Variants in TRPC4AP observed in about 807,000 individuals in gnomAD.
The protein encoded by TRPC4AP is short transient receptor potential channel 4-associated protein.
Under a neutral mutation model 99.0 loss-of-function variants are expected in TRPC4AP, and 45 were observed. The ratio of observed to expected loss-of-function variants is 0.45; its 90% confidence interval spans 0.36 to 0.58. The LOEUF (loss-of-function observed/expected upper bound fraction) is 0.58. TRPC4AP is among the 20% of genes least tolerant of loss of function. TRPC4AP has a pLI of 0.00. For missense variants in TRPC4AP, 879 were observed against 985.3 expected (o/e 0.89, Z 1.44); for synonymous variants, 408 against 385.8 (o/e 1.06, Z -0.67).
At position 35,006,589 on chromosome 20, in the gene TRPC4AP, G is replaced by A. The variant is rs917011827; in HGVS notation, c.1687-14C>T. Reference sequence around the variant, plus strand: ...GTAAAGGATGTGCTGGGTGAGGAGGGACAGGGTGAAGGTGTCAACGTGGCT... The same window carrying A: ...GTAAAGGATGTGCTGGGTGAGGAGGAACAGGGTGAAGGTGTCAACGTGGCT... On this transcript the variant is annotated splice_polypyrimidine_tract_variant and intron_variant, in intron 14 of 18. Coordinates refer to ENST00000252015, the MANE Select transcript of TRPC4AP (RefSeq NM_015638.3). 5.6e-6 allele frequency: 9 copies of A among 1,612,460 alleles called. No homozygotes were observed. Among genetic ancestry groups the A allele is most frequent in the East Asian group, 2.2e-5 (1 of 44,858 alleles).
chr20:35,054,506 T>G (rs1424479074), intron 5 of TRPC4AP, among the ~76,000 whole-genome samples: 1 of 152,190 alleles, frequency 6.6e-6, no homozygotes, highest in Non-Finnish European at 1.5e-5. Context: ...AGTGCCATCC[T>G]CTTTTGTTTC....
At chr20:35,065,897 G>T (rs1049311931) in intron 3 of TRPC4AP, among the ~76,000 whole-genome samples, 9 of 152,116 alleles carry the variant, frequency 5.9e-5, no homozygotes, top group Non-Finnish European at 1.3e-4. Flanking sequence ...CAAAAGTAAA[G>T]GGTCTCTTGA....
At chr20:35,051,103 T>C (rs2083689559) in intron 5 of TRPC4AP, among the ~76,000 whole-genome samples, 1 of 151,652 alleles carries the variant, frequency 6.6e-6, no homozygotes, top group Non-Finnish European at 1.5e-5. Context: ...TTAAGGCAAC[T>C]AGAGCTTAGT....
chr20:35,011,015 C>G (rs575381431), intron 11 of TRPC4AP, among the ~76,000 whole-genome samples: 34 of 152,318 alleles, frequency 2.2e-4, no homozygotes, highest in African/African-American at 6.5e-4. Context: ...AATCCCAGCA[C>G]TTTGGAAGGT....
intron 2 of TRPC4AP, among the ~76,000 whole-genome samples, chr20:35,075,440 T>TA (rs2084450169): frequency 6.6e-6 from 1 of 152,224 alleles, no homozygotes; most frequent in African/African-American, 2.4e-5. Flanking sequence ...GGAGCTCTTG[T>TA]AAGGCAGGCC....
At chr20:35,040,166 G>A (rs978192866) in intron 7 of TRPC4AP, among the ~76,000 whole-genome samples, 2 of 151,936 alleles carry the variant, frequency 1.3e-5, no homozygotes, top group Non-Finnish European at 1.5e-5. Flanking sequence ...TAGGGAATGC[G>A]GTGGTGTGAT....
chr20:35,047,768 C>T (rs1413161059), intron 6 of TRPC4AP, among the ~76,000 whole-genome samples: 3 of 152,172 alleles, frequency 2.0e-5, no homozygotes, highest in Non-Finnish European at 1.5e-5. Context: ...ACCCGATGGA[C>T]TGACTTTACA....
chr20:35,035,160 C>T lies in TRPC4AP; in HGVS notation c.1014G>A (p.Leu338=). The change falls in exon 8 of 19, where the codon CTG becomes CTA. Residue 338 remains leucine (L), a synonymous_variant. Transcript: ENST00000252015. The part of the protein sequence containing the change: ...WLDNALVLDA[L]MRVANEESEH... ...CTGACTCCTCATTGGCCACTCGCAT[C>T]AGGGCATCTAGCACCAAAGCATTGT... is the stretch of plus-strand genomic sequence containing the variant. The T allele has an allele frequency of 6.2e-7, 1 of 1,614,056 alleles. No individual in the cohort carries two copies. The highest frequency in any genetic ancestry group is 8.5e-7 in the Non-Finnish European group (1 of 1,179,976).
At chr20:35,059,983 AGACT>A (rs1569132383) in intron 3 of TRPC4AP, among the ~76,000 whole-genome samples, 3 of 152,108 alleles carry the variant, frequency 2.0e-5, no homozygotes, top group Non-Finnish European at 4.4e-5. Context: ...TAACAAGTAG[AGACT>A]GACTTAGTGA....
chr20:35,047,701 C>T (rs924501599), intron 6 of TRPC4AP, among the ~76,000 whole-genome samples: 2 of 152,102 alleles, frequency 1.3e-5, no homozygotes, highest in African/African-American at 4.8e-5. Flanking sequence ...CAAACAAAAA[C>T]TTATTCAAAA....
intron 7 of TRPC4AP, among the ~76,000 whole-genome samples, chr20:35,043,105 T>C (rs1012111720): frequency 6.6e-6 from 1 of 152,190 alleles, no homozygotes; most frequent in African/African-American, 2.4e-5. Flanking sequence ...GAGATTTTTC[T>C]ATAGCAGTAC....
chr20:35,045,355 T>A (rs2083535067), intron 6 of TRPC4AP, among the ~76,000 whole-genome samples: 1 of 152,224 alleles, frequency 6.6e-6, no homozygotes. Flanking sequence ...TTCCCGCCGT[T>A]TTACCCCACA....
chr20:35,018,923 A>C (rs1007981088), intron 9 of TRPC4AP, among the ~76,000 whole-genome samples: 1 of 152,214 alleles, frequency 6.6e-6, no homozygotes, highest in African/African-American at 2.4e-5. Context: ...GGAGCTGTTG[A>C]AAAGGCTCAG....
intron 2 of TRPC4AP, among the ~76,000 whole-genome samples, chr20:35,072,917 A>G (rs1398838165): frequency 1.3e-5 from 2 of 152,224 alleles, no homozygotes. Context: ...ATTCATGAGC[A>G]TGGGATGTTC....
chr20:35,008,272 C>A (rs2082556776), intron 13 of TRPC4AP, among the ~76,000 whole-genome samples: 2 of 152,198 alleles, frequency 1.3e-5, no homozygotes, highest in Non-Finnish European at 2.9e-5. Context: ...CCTGTATTCA[C>A]CCAGCCCCCA....
intron 1 of TRPC4AP, among the ~76,000 whole-genome samples, chr20:35,086,010 C>T (rs2084831481): frequency 6.6e-6 from 1 of 152,094 alleles, no homozygotes; most frequent in Admixed American, 6.6e-5. Flanking sequence ...GTCTCCTGGG[C>T]TCAAGTGATC....
intron 1 of TRPC4AP, among the ~76,000 whole-genome samples, chr20:35,086,435 G>GTA (rs754597419): frequency 1.6e-4 from 3 of 19,108 alleles, no homozygotes; most frequent in Admixed American, 8.1e-4. Context: ...TGGCATATGT[G>GTA]TGTGTGTGTG....
intron 8 of TRPC4AP, chr20:35,030,496 T>C (rs889901556): frequency 4.6e-5 from 7 of 152,238 alleles, no homozygotes; most frequent in African/African-American, 1.7e-4. Context: ...ATTGTATCTA[T>C]GTATGTTAAA....
At chr20:35,023,160 A>C (rs527744465) in intron 8 of TRPC4AP, among the ~76,000 whole-genome samples, 2 of 152,208 alleles carry the variant, frequency 1.3e-5, no homozygotes, top group Non-Finnish European at 2.9e-5. Flanking sequence ...ACAGTGTGAC[A>C]CGGTAGTTAA....
Sources: gnomAD v4.1 joint callset for allele counts (sites outside exome capture counted in the v4.1 genomes callset) on GRCh38, gnomAD v4.1.1 for gene constraint, MANE v1.5 for transcripts, NCBI Gene and HGNC (gene_info 2026-07-23, HGNC 2026-07-21) for gene names.